NCKAP5: variants seen among roughly 807,000 people sequenced by gnomAD.
NCKAP5 encodes NCK associated protein 5, also known as nck-associated protein 5.
In NCKAP5, 92 loss-of-function variants were observed where a neutral mutation model predicts 167.0. That is an observed-to-expected ratio of 0.55 (90% CI 0.47 to 0.66). The LOEUF (loss-of-function observed/expected upper bound fraction) is 0.66, where lower values mean the gene tolerates loss of function less well. NCKAP5 is among the 30% of genes least tolerant of loss of function. The pLI, the probability that NCKAP5 is intolerant of heterozygous loss-of-function variation, is 0.00. For missense variants in NCKAP5, 2,378 were observed against 2,315.0 expected, an observed-to-expected ratio of 1.03 and a Z score of -0.56; for synonymous variants, 891 against 877.4, an observed-to-expected ratio of 1.02 and a Z score of -0.27.
At chr2:132,735,835 G>A (rs924478932) in intron 16 of NCKAP5, among the ~76,000 whole-genome samples, 4 of 152,208 alleles carry the variant, frequency 2.6e-5, no homozygotes, top group African/African-American at 9.6e-5. Flanking sequence ...GGTAGTTGCA[G>A]GAAATAGGCC....
At chr2:132,710,415 T>C (rs747720393) in intron 19 of NCKAP5, among the ~76,000 whole-genome samples, 2 of 152,208 alleles carry the variant, frequency 1.3e-5, no homozygotes, top group South Asian at 4.1e-4. Flanking sequence ...ATCCCTTTCA[T>C]AGAATCTCAC....
intron 3 of NCKAP5, among the ~76,000 whole-genome samples, chr2:133,470,379 CA>C (rs1692965282): frequency 1.8e-4 from 28 of 152,312 alleles, no homozygotes; most frequent in Admixed American, 1.5e-3. Context: ...CCCAGATCTC[CA>C]GCTGCGTGCT....
chr2:132,974,494 C>T (rs536225411), intron 7 of NCKAP5, among the ~76,000 whole-genome samples: 5 of 152,286 alleles, frequency 3.3e-5, no homozygotes, highest in African/African-American at 4.8e-5. Flanking sequence ...ATTCTGGACT[C>T]CCTTTACAGA....
At chr2:132,902,246 T>C (rs1186035000) in intron 8 of NCKAP5, among the ~76,000 whole-genome samples, 4 of 152,008 alleles carry the variant, frequency 2.6e-5, no homozygotes, top group African/African-American at 9.7e-5. Context: ...AAATGAGAAA[T>C]CCAGGACAGC....
chr2:133,461,136 C>T (rs561567123), intron 3 of NCKAP5, among the ~76,000 whole-genome samples: 2 of 152,064 alleles, frequency 1.3e-5, no homozygotes, highest in South Asian at 2.1e-4. Context: ...TAGAGAGGGG[C>T]GGGAAATGAC....
At chr2:132,841,706 T>G (rs1291150135) in intron 11 of NCKAP5, among the ~76,000 whole-genome samples, 3 of 152,184 alleles carry the variant, frequency 2.0e-5, no homozygotes, top group East Asian at 3.9e-4. Context: ...GTACATAGAG[T>G]TTTTATTGAA....
At chr2:133,031,723 G>C (rs922764999) in intron 6 of NCKAP5, among the ~76,000 whole-genome samples, 1 of 152,052 alleles carries the variant, frequency 6.6e-6, no homozygotes, top group African/African-American at 2.4e-5. Context: ...TACTTGAGGA[G>C]AGGAGAGGGA....
intron 5 of NCKAP5, among the ~76,000 whole-genome samples, chr2:133,193,132 G>A (rs879739965): frequency 5.3e-5 from 8 of 151,966 alleles, no homozygotes; most frequent in Admixed American, 1.3e-4. Context: ...TATTCTGAGA[G>A]AAAAAAGACA....
intron 7 of NCKAP5, among the ~76,000 whole-genome samples, chr2:132,976,563 C>CAAAAAAAAAAAAA (rs1169178217): frequency 1.9e-5 from 1 of 51,830 alleles, no homozygotes; most frequent in African/African-American, 5.7e-5. Flanking sequence ...GACTCCATCT[C>CAAAAAAAAAAAAA]AAAAAAAAAA....
intron 8 of NCKAP5, among the ~76,000 whole-genome samples, chr2:132,940,097 A>G (rs1697182220): frequency 6.6e-6 from 1 of 152,122 alleles, no homozygotes; most frequent in Non-Finnish European, 1.5e-5. Context: ...ATGCCTTTGC[A>G]TCCTCATAGC....
intron 19 of NCKAP5, among the ~76,000 whole-genome samples, chr2:132,679,036 C>T (rs1402859380): frequency 1.3e-5 from 2 of 152,068 alleles, no homozygotes; most frequent in Non-Finnish European, 2.9e-5. Context: ...CACCCCCTTC[C>T]CTACTTTAGT....
intron 16 of NCKAP5, among the ~76,000 whole-genome samples, chr2:132,756,235 G>T (rs968148390): frequency 2.6e-5 from 4 of 152,138 alleles, no homozygotes; most frequent in African/African-American, 4.8e-5. Flanking sequence ...GATAAGCTTT[G>T]CAAATTTTCT....
chr2:132,982,042 C>T (rs1005823399), intron 7 of NCKAP5, among the ~76,000 whole-genome samples: 14 of 152,080 alleles, frequency 9.2e-5, no homozygotes, highest in Admixed American at 5.2e-4. Flanking sequence ...TTTAGGCTTA[C>T]GAAAGGCATC....
intron 8 of NCKAP5, among the ~76,000 whole-genome samples, chr2:132,951,628 C>T (rs775019911): frequency 4.6e-5 from 7 of 152,160 alleles, no homozygotes; most frequent in Non-Finnish European, 8.8e-5. Context: ...AATCAGACTA[C>T]GTGGATATTT....
chr2:132,952,625 A>T (rs1448722166), intron 8 of NCKAP5, among the ~76,000 whole-genome samples: 3 of 152,206 alleles, frequency 2.0e-5, no homozygotes, highest in Non-Finnish European at 2.9e-5. Flanking sequence ...AGGTAAGAGG[A>T]ATCTTCGGCT....
chr2:132,784,009 G>A lies in NCKAP5; in HGVS notation c.2802C>T (p.Gly934=), dbSNP rs757907793. The change falls in exon 14 of 20, where the codon GGC becomes GGT. Residue 934 remains glycine (G), a synonymous_variant. Transcript: ENST00000409261. ...VKSPSPPPPP[G]RSVSLLARPS... is the part of the protein sequence containing the mutation. ...GCCTGGCCAGCAGGGAGACGGACCT[G>A]CCTGGAGGGGGCGGAGGGGAAGGGG... is the stretch of plus-strand genomic sequence containing the variant. 6 of 1,582,258 alleles carry A rather than the reference G, an allele frequency of 3.8e-6. No individual in the cohort carries two copies. In the East Asian group the frequency reaches 6.7e-5, roughly 18 times the overall value.
At chr2:133,498,533 CAGGGAGGAAGGGAGGG>C (rs2151379240) in intron 3 of NCKAP5, among the ~76,000 whole-genome samples, 1 of 93,878 alleles carries the variant, frequency 1.1e-5, no homozygotes, top group East Asian at 2.9e-4. Flanking sequence ...AAAAGGGCGG[CAGGGAGGAAGGGAGGG>C]AGGGAGGGAA....
chr2:132,828,852 T>G (rs148182082), intron 11 of NCKAP5, among the ~76,000 whole-genome samples: 1 of 152,048 alleles, frequency 6.6e-6, no homozygotes, highest in East Asian at 1.9e-4. Context: ...TCCTCAGGAG[T>G]CCTGCCCTAG....
In NCKAP5 at chr2:133,130,075, G is replaced by C; in HGVS notation, c.244C>G (p.His82Asp). Residue 82 changes from histidine (H) to aspartate (D), a missense_variant, in exon 6 of 20, where the codon CAC becomes GAC. Coordinates refer to ENST00000409261, the MANE Select transcript of NCKAP5 (RefSeq NM_207363.3). The part of the protein sequence containing the change: ...KLIHELEEER[H>D]LRLQSEKRLQ... Reference sequence around the variant, plus strand: ...CGCTTCTCGCTTTGAAGACGTAAGTGTCTCTCCTCTTCCAGTTCATGTATC... The same window carrying C: ...CGCTTCTCGCTTTGAAGACGTAAGTCTCTCTCCTCTTCCAGTTCATGTATC... 6.2e-7 allele frequency: 1 copy of C among 1,612,008 alleles called. No individual in the cohort carries two copies. The highest frequency in any genetic ancestry group is 8.5e-7 in the Non-Finnish European group (1 of 1,179,228).
Sources: gnomAD v4.1 joint callset for allele counts (sites outside exome capture counted in the v4.1 genomes callset) on GRCh38, gnomAD v4.1.1 for gene constraint, MANE v1.5 for transcripts, NCBI Gene and HGNC (gene_info 2026-07-23, HGNC 2026-07-21) for gene names.